The following FUT8 variants were observed in gnomAD, a reference collection of about 807,000 sequenced individuals.
FUT8 encodes the protein alpha-(1,6)-fucosyltransferase.
A neutral mutation model predicts 71.3 loss-of-function variants in FUT8; 29 were observed. The ratio of observed to expected loss-of-function variants is 0.41; its 90% CI spans 0.30 to 0.55. FUT8 has a LOEUF of 0.55. Ranked by LOEUF, FUT8 falls within the 20% of genes least tolerant of loss-of-function variation. FUT8 has a pLI of 0.34. For missense variants in FUT8, 544 were observed against 702.1 expected (o/e 0.77, Z 2.55); for synonymous variants, 254 against 239.3 (o/e 1.06, Z -0.57).
chr14:65,689,456 T>G (rs1893466636), intron 7 of FUT8, among the ~76,000 whole-genome samples: 1 of 152,202 alleles, frequency 6.6e-6, no homozygotes, highest in African/African-American at 2.4e-5. Context: ...TTGAGTTGAG[T>G]TGGATATAAG....
rs149818619 is a variant in FUT8, at chr14:65,559,394, T to C, written c.-227-1943T>C. Among the ~76,000 whole-genome samples the C allele has an allele frequency of 2.7e-3, 405 of 152,312 alleles. 4 individuals are homozygous for C. Among genetic ancestry groups the C allele is most frequent in the African/African-American group, 9.1e-3 (380 of 41,564 alleles). On this transcript the variant is annotated intron_variant, in intron 2 of 10. Coordinates refer to ENST00000673929, the MANE Select transcript of FUT8 (RefSeq NM_001371533.1). ...AGCATTTACGTTGTATTAGGTGTTA[T>C]AAGTAATCTAGAGATGATTTAAAGT...
chr14:65,415,047 A>G (rs565505696), intron 1 of FUT8, among the ~76,000 whole-genome samples: 1 of 152,324 alleles, frequency 6.6e-6, no homozygotes, highest in Admixed American at 6.5e-5. Flanking sequence ...GTTTTGTTGC[A>G]AATTCTTACC....
chr14:65,677,216 T>C (rs1892806275), intron 7 of FUT8, among the ~76,000 whole-genome samples: 1 of 149,816 alleles, frequency 6.7e-6, no homozygotes, highest in Admixed American at 6.6e-5. Flanking sequence ...TAGACTTTAT[T>C]ACTCATGCAT....
intron 9 of FUT8, among the ~76,000 whole-genome samples, chr14:65,728,708 G>A (rs1254650145): frequency 6.6e-6 from 1 of 152,086 alleles, no homozygotes; most frequent in Non-Finnish European, 1.5e-5. Flanking sequence ...TTACCATTGT[G>A]TTACAACTAC....
At chr14:65,475,763 A>G (rs1303220945) in intron 2 of FUT8, among the ~76,000 whole-genome samples, 7 of 151,808 alleles carry the variant, frequency 4.6e-5, no homozygotes, top group Non-Finnish European at 1.0e-4. Context: ...AGCCTCCGCA[A>G]CAGAGTGAGA....
intron 1 of FUT8, among the ~76,000 whole-genome samples, chr14:65,419,476 C>G (rs146999093): frequency 6.6e-6 from 1 of 152,052 alleles, no homozygotes; most frequent in Non-Finnish European, 1.5e-5. Context: ...ATAATTAGGG[C>G]CTAATCAATT....
At chr14:65,663,280 TG>T (rs1892058808) in intron 6 of FUT8, among the ~76,000 whole-genome samples, 1 of 152,118 alleles carries the variant, frequency 6.6e-6, no homozygotes, top group Admixed American at 6.5e-5. Context: ...TCTGGAACTA[TG>T]CTGAATAACA....
intron 7 of FUT8, among the ~76,000 whole-genome samples, chr14:65,709,752 A>C (rs1401075954): frequency 6.6e-6 from 1 of 152,190 alleles, no homozygotes; most frequent in Non-Finnish European, 1.5e-5. Context: ...TCAATGTGTT[A>C]TCCAACTGGC....
Position 65,608,058 on chromosome 14 carries a change from C to T in FUT8, c.204-7920C>T, listed in dbSNP as rs766936962. ...CCAGCCTGGCAACAAAGCTAGACTC[C>T]GTCTCAAAAAAAAAAAAAAAAAAAT... is the stretch of plus-strand genomic sequence containing the variant. On this transcript the variant is annotated intron_variant, in intron 3 of 10. Transcript: ENST00000673929. Among the ~76,000 whole-genome samples, 76 of 97,962 alleles carry T rather than the reference C, an allele frequency of 7.8e-4. 1 individual carries two copies. Among genetic ancestry groups the T allele is most frequent in the Admixed American group, 3.4e-3 (28 of 8,168 alleles). The allele number at this position is 97,962 out of a possible 152,430, so 64.3% of individuals were successfully genotyped here.
Position 65,433,819 on chromosome 14 carries a change from G to A in FUT8, c.-326+20605G>A, listed in dbSNP as rs941746718. On this transcript the variant is annotated intron_variant, in intron 1 of 10. Coordinates refer to ENST00000673929, the MANE Select transcript of FUT8 (RefSeq NM_001371533.1). ...CTCTCTCTCTCTCTCTCTCTCTCTCGCTGTGTTGCCCAGGTTGGAACACAG... is the reference window on the plus strand; with the variant it reads ...CTCTCTCTCTCTCTCTCTCTCTCTCACTGTGTTGCCCAGGTTGGAACACAG... Among the ~76,000 whole-genome samples, 88 of 94,314 alleles carry A rather than the reference G, an allele frequency of 9.3e-4. 1 individual carries two copies. The South Asian group carries it at 0.037, about 40-fold the overall frequency. The allele number at this position is 94,314 out of a possible 152,430, so 61.9% of individuals were successfully genotyped here. A position where few individuals can be genotyped will look rare whatever the true frequency, so the allele number is the denominator to read the frequency against.
intron 1 of FUT8, among the ~76,000 whole-genome samples, chr14:65,440,659 A>G (rs963520086): frequency 6.6e-6 from 1 of 151,978 alleles, no homozygotes; most frequent in Non-Finnish European, 1.5e-5. Flanking sequence ...AAGTTTAAAC[A>G]TTGTATCCAT....
intron 3 of FUT8, among the ~76,000 whole-genome samples, chr14:65,575,735 C>T (rs1177763339): frequency 2.0e-5 from 3 of 151,996 alleles, no homozygotes; most frequent in East Asian, 3.9e-4. Flanking sequence ...TCTCCCACCT[C>T]GGCCTCCCGA....
At chr14:65,739,466 C>G (rs931551980) in intron 10 of FUT8, among the ~76,000 whole-genome samples, 1 of 151,958 alleles carries the variant, frequency 6.6e-6, no homozygotes, top group Non-Finnish European at 1.5e-5. Flanking sequence ...TAGGATTATC[C>G]CCAGAAGAAA....
chr14:65,524,049 A>G (rs1883274234), intron 2 of FUT8, among the ~76,000 whole-genome samples: 1 of 152,122 alleles, frequency 6.6e-6, no homozygotes, highest in African/African-American at 2.4e-5. Context: ...TTGACTTGGC[A>G]ATGCGGGCTC....
chr14:65,659,087 G>A (rs1261672883), intron 6 of FUT8, among the ~76,000 whole-genome samples: 1 of 151,990 alleles, frequency 6.6e-6, no homozygotes, highest in Non-Finnish European at 1.5e-5. Flanking sequence ...AAAAAATACA[G>A]TGTTAAAAAT....
chr14:65,653,910 A>G (rs955861025), intron 6 of FUT8, among the ~76,000 whole-genome samples: 6 of 152,222 alleles, frequency 3.9e-5, no homozygotes, highest in Non-Finnish European at 7.3e-5. Flanking sequence ...AGAAAAAGAC[A>G]TTTTCGGATG....
intron 3 of FUT8, among the ~76,000 whole-genome samples, chr14:65,579,118 C>T (rs1886944069): frequency 6.6e-6 from 1 of 151,872 alleles, no homozygotes; most frequent in East Asian, 1.9e-4. Flanking sequence ...TCTATTTTAC[C>T]ATTTGTTATG....
chr14:65,413,599 G>C lies in FUT8; in HGVS notation c.-326+385G>C, dbSNP rs1275488375. Reference sequence around the variant, plus strand: ...TCCCCTCCACACCTACCTTCCCTTCGTCAGCAGCTCGGTCCCTGGAGTCGC... The same window carrying C: ...TCCCCTCCACACCTACCTTCCCTTCCTCAGCAGCTCGGTCCCTGGAGTCGC... On this transcript the variant is annotated intron_variant, in intron 1 of 10. Transcript: ENST00000673929. The surrounding 1 kb of genome is among the most constrained non-coding windows in gnomAD (Gnocchi z 4.1). 6.6e-6 allele frequency among the ~76,000 whole-genome samples: 1 copy of C among 152,160 alleles called. No individual in the cohort carries two copies. Among genetic ancestry groups the C allele is most frequent in the Non-Finnish European group, 1.5e-5 (1 of 68,020 alleles).
chr14:65,576,696 CTTTTTTTTTTTTT>C (rs376473739), intron 3 of FUT8, among the ~76,000 whole-genome samples: 101 of 96,130 alleles, frequency 1.1e-3, no homozygotes, highest in African/African-American at 5.1e-3. Flanking sequence ...GCCCAGCTTG[CTTTTTTTTTTTTT>C]TTTTTTTTTT....
Sources: allele counts gnomAD v4.1 joint callset (sites outside exome capture counted in the v4.1 genomes callset), GRCh38; gene constraint gnomAD v4.1.1; non-coding constraint Gnocchi (gnomAD v3.1); transcripts MANE v1.5; gene names NCBI Gene and HGNC (gene_info 2026-07-23, HGNC 2026-07-21).